Variants in TRIM44 observed in about 807,000 individuals in gnomAD.
TRIM44 encodes the protein tripartite motif containing 44.
A neutral mutation model predicts 37.4 loss-of-function variants in TRIM44; 13 were observed. That is an observed-to-expected ratio of 0.35 (90% confidence interval 0.23 to 0.55). The LOEUF (loss-of-function observed/expected upper bound fraction) is 0.55. Ranked by LOEUF, TRIM44 falls within the 20% of genes least tolerant of loss-of-function variation. TRIM44 has a pLI of 0.89. For synonymous variants in TRIM44, 175 were observed against 157.2 expected (o/e 1.11, Z -0.85); for missense variants, 426 against 437.2 (o/e 0.97, Z 0.23).
chr11:35,783,891 A>G (rs545423590), intron 4 of TRIM44, among the ~76,000 whole-genome samples: 3 of 152,250 alleles, frequency 2.0e-5, no homozygotes, highest in African/African-American at 7.2e-5. Context: ...TGAGGGATAC[A>G]CGTTTTGGGG....
chr11:35,781,465 C>T (rs771483493), intron 4 of TRIM44, among the ~76,000 whole-genome samples: 2 of 152,148 alleles, frequency 1.3e-5, no homozygotes, highest in Non-Finnish European at 2.9e-5. Context: ...GAGAGAACCA[C>T]ATACTTTAGG....
At chr11:35,681,221 T>A (rs1452876498) in intron 1 of TRIM44, among the ~76,000 whole-genome samples, 1 of 152,218 alleles carries the variant, frequency 6.6e-6, no homozygotes, top group Non-Finnish European at 1.5e-5. Context: ...TTGGGTTCAT[T>A]TGATTTTCAC....
intron 2 of TRIM44, among the ~76,000 whole-genome samples, chr11:35,709,354 A>T (rs1201108585): frequency 6.6e-6 from 1 of 152,208 alleles, no homozygotes; most frequent in Non-Finnish European, 1.5e-5. Flanking sequence ...CTTTGCTCTC[A>T]GATTCCCTTG....
At chr11:35,730,042 A>G (rs950404949) in intron 3 of TRIM44, among the ~76,000 whole-genome samples, 6 of 152,218 alleles carry the variant, frequency 3.9e-5, no homozygotes, top group African/African-American at 1.2e-4. Context: ...GCTAACTCTA[A>G]GATGGCATAG....
chr11:35,775,407 A>G (rs1412884284), intron 4 of TRIM44, among the ~76,000 whole-genome samples: 1 of 152,232 alleles, frequency 6.6e-6, no homozygotes, highest in Non-Finnish European at 1.5e-5. Context: ...CAATCATATT[A>G]TCTGCAAACA....
chr11:35,697,600 C>T (rs1341197642), intron 2 of TRIM44, among the ~76,000 whole-genome samples: 1 of 151,724 alleles, frequency 6.6e-6, no homozygotes, highest in African/African-American at 2.4e-5. Context: ...CTATCCCTCC[C>T]CGCTCCCCAC....
rs11033226 is a variant in TRIM44, at chr11:35,668,545, G to A, written c.669+4765G>A. Among the ~76,000 whole-genome samples, 2,108 of 152,290 alleles carry A rather than the reference G, an allele frequency of 0.014. 118 individuals are homozygous for A. In the East Asian group the frequency reaches 0.14, roughly 10 times the overall value. On this transcript the variant is annotated intron_variant, in intron 1 of 4. Coordinates refer to ENST00000299413, the MANE Select transcript of TRIM44 (RefSeq NM_017583.6). ...CCATGTCCCTGCAAAGGACATGATC[G>A]GATTCCTTTTTATGGCTGCATAGTA...
chr11:35,744,657 G>A (rs961155407), intron 4 of TRIM44, among the ~76,000 whole-genome samples: 3 of 151,896 alleles, frequency 2.0e-5, no homozygotes, highest in South Asian at 2.1e-4. Context: ...TGCACAGATC[G>A]TCCCATCGCT....
At chr11:35,697,823 T>C (rs61879650) in intron 2 of TRIM44, among the ~76,000 whole-genome samples, 1 of 152,206 alleles carries the variant, frequency 6.6e-6, no homozygotes, top group East Asian at 1.9e-4. Context: ...ATGGTGTATA[T>C]GTGCCACATT....
At chr11:35,789,473 G>A (rs1246322602) in intron 4 of TRIM44, among the ~76,000 whole-genome samples, 1 of 148,856 alleles carries the variant, frequency 6.7e-6, no homozygotes, top group African/African-American at 2.5e-5. Context: ...CATTCATTAA[G>A]CACCTGGGAA....
At chr11:35,707,573 C>A (rs1203012710) in intron 2 of TRIM44, among the ~76,000 whole-genome samples, 1 of 149,358 alleles carries the variant, frequency 6.7e-6, no homozygotes, top group Non-Finnish European at 1.5e-5. Context: ...AGATATAGAT[C>A]ATTGGAACAG....
intron 3 of TRIM44, among the ~76,000 whole-genome samples, chr11:35,728,524 CA>C: frequency 6.6e-6 from 1 of 152,224 alleles, no homozygotes; most frequent in East Asian, 1.9e-4. Context: ...CTATTAAAAA[CA>C]GAGATAGCGT....
chr11:35,785,507 A>G (rs1005507598), intron 4 of TRIM44, among the ~76,000 whole-genome samples: 7 of 152,244 alleles, frequency 4.6e-5, no homozygotes, highest in African/African-American at 7.2e-5. Context: ...GCTTTGAGTC[A>G]GAATTGTAGG....
chr11:35,776,182 G>A (rs1852958009), intron 4 of TRIM44, among the ~76,000 whole-genome samples: 1 of 150,680 alleles, frequency 6.6e-6, no homozygotes, highest in East Asian at 2.0e-4. Flanking sequence ...TCAACTTCTA[G>A]TCTTGGGAGG....
intron 4 of TRIM44, among the ~76,000 whole-genome samples, chr11:35,773,732 T>C (rs1316222799): frequency 1.3e-5 from 2 of 152,220 alleles, no homozygotes; most frequent in Non-Finnish European, 2.9e-5. Context: ...TTTGGTTTTC[T>C]GTCCTTGCGA....
intron 4 of TRIM44, among the ~76,000 whole-genome samples, chr11:35,780,403 C>T (rs1418389773): frequency 6.6e-6 from 1 of 152,172 alleles, no homozygotes; most frequent in East Asian, 1.9e-4. Flanking sequence ...GCTAGACTCC[C>T]TTATACAGCA....
At chr11:35,760,460 C>T (rs1381329459) in intron 4 of TRIM44, among the ~76,000 whole-genome samples, 2 of 152,202 alleles carry the variant, frequency 1.3e-5, no homozygotes, top group African/African-American at 4.8e-5. Flanking sequence ...GGCGATGCCT[C>T]GCCCTGCTTA....
In TRIM44 at chr11:35,811,940, C is replaced by T. The variant is rs1421370393; in HGVS notation, c.*5555C>T. ...CAGACTCTCTGTCTCCGAGAGCAAT[C>T]ATTAGGCCCTACTTCCTCTTCCCCA... On this transcript the variant is annotated 3_prime_UTR_variant, in exon 5 of 5. Transcript: ENST00000299413. 6.6e-6 allele frequency: 1 copy of T among 152,242 alleles called. No homozygotes were observed. Among genetic ancestry groups the T allele is most frequent in the Non-Finnish European group, 1.5e-5 (1 of 68,058 alleles). The allele number at this position is 152,242 out of a possible 1,614,324, so 9.4% of individuals were successfully genotyped here.
intron 4 of TRIM44, among the ~76,000 whole-genome samples, chr11:35,780,228 T>C (rs1318453584): frequency 6.6e-6 from 1 of 152,194 alleles, no homozygotes; most frequent in African/African-American, 2.4e-5. Flanking sequence ...CCCAGAGTTA[T>C]TTAAAATAGA....
Sources: allele counts gnomAD v4.1 joint callset (sites outside exome capture counted in the v4.1 genomes callset), GRCh38; gene constraint gnomAD v4.1.1; transcripts MANE v1.5; gene names NCBI Gene and HGNC (gene_info 2026-07-23, HGNC 2026-07-21).